CYB561A3: variants seen among roughly 807,000 people sequenced by gnomAD.
CYB561A3 encodes the protein lysosomal membrane ascorbate-dependent ferrireductase CYB561A3.
In CYB561A3, 16 loss-of-function variants were observed where a neutral mutation model predicts 25.3. The observed-to-expected ratio is 0.63, with a 90% CI of 0.43 to 0.96. The LOEUF (loss-of-function observed/expected upper bound fraction) is 0.96, where lower values mean the gene tolerates loss of function less well. Ranked by LOEUF, CYB561A3 falls within the 40% of genes least tolerant of loss-of-function variation. The pLI, the probability that CYB561A3 is intolerant of heterozygous loss-of-function variation, is 0.00. For synonymous variants in CYB561A3, 131 were observed against 129.9 expected (o/e 1.01, Z -0.06); for missense variants, 219 against 307.5 (o/e 0.71, Z 2.15).
intron 3 of CYB561A3, 105 bp downstream of exon 3, chr11:61,356,425 C>CCAAACCCCCAACCCCCCG: frequency 1.1e-6 from 1 of 887,472 alleles, no homozygotes; most frequent in Non-Finnish European, 1.6e-6. Flanking sequence ...ACCCTACCCC[C>CCAAACCCCCAACCCCCCG]ATAGCCCCAA....
chr11:61,353,700 G>A (rs1454983506), intron 4 of CYB561A3, 84 bp downstream of exon 4: 1 of 1,374,922 alleles, frequency 7.3e-7, no homozygotes, highest in Non-Finnish European at 1.0e-6. Context: ...GTGAGCAGAG[G>A]AATATTTGGT....
chr11:61,362,018 C>T (rs1198659898), upstream of CYB561A3: 1 of 152,550 alleles, frequency 6.6e-6, no homozygotes, highest in Non-Finnish European at 1.5e-5. Flanking sequence ...CCCTAACTCC[C>T]GTTCCTCCTC....
chr11:61,357,523 C>A (rs1342449968), intron 2 of CYB561A3, among the ~76,000 whole-genome samples: 1 of 152,204 alleles, frequency 6.6e-6, no homozygotes, highest in Non-Finnish European at 1.5e-5. Flanking sequence ...AGCAGTTGCT[C>A]TTAAACGCTA....
chr11:61,351,157 A>G lies in CYB561A3; in HGVS notation c.549-10T>C, dbSNP rs779104111. 76 of 1,605,848 alleles carry G rather than the reference A, an allele frequency of 4.7e-5. No homozygotes were observed. The highest frequency in any genetic ancestry group is 6.0e-5 in the Non-Finnish European group (70 of 1,176,014). ...CCTGGTGGTGTTTTTCCTGAAGATG[A>G]CAAAACAATGTGAGCCCTCGAGAGA... is the stretch of plus-strand genomic sequence containing the variant. On this transcript the variant is annotated splice_polypyrimidine_tract_variant and intron_variant, in intron 5 of 6. Transcript: ENST00000294072.
chr11:61,355,134 C>T (rs1038112934), intron 3 of CYB561A3, among the ~76,000 whole-genome samples: 40 of 152,150 alleles, frequency 2.6e-4, no homozygotes, highest in Middle Eastern at 6.8e-3. Context: ...TCCCAAAGTG[C>T]TGGGATTACA....
intron 4 of CYB561A3, chr11:61,353,533 C>T (rs1249933086): frequency 1.0e-5 from 7 of 684,382 alleles, no homozygotes; most frequent in South Asian, 3.0e-5. Context: ...CAGCATAGTG[C>T]GTGCCATGAC....
intron 3 of CYB561A3, among the ~76,000 whole-genome samples, chr11:61,354,987 G>A (rs182656255): frequency 1.3e-5 from 2 of 151,072 alleles, no homozygotes; most frequent in East Asian, 2.0e-4. Context: ...TCCTGCCTCA[G>A]CCTCCCAAGT....
At chr11:61,355,509 A>C (rs990158173) in intron 3 of CYB561A3, among the ~76,000 whole-genome samples, 1 of 151,652 alleles carries the variant, frequency 6.6e-6, no homozygotes, top group Non-Finnish European at 1.5e-5. Flanking sequence ...GTGAAACCCC[A>C]TCTCTACTAA....
Position 61,356,694 on chromosome 11 carries a change from T to C in CYB561A3, c.20A>G (p.Tyr7Cys), listed in dbSNP as rs774864809. ...GGACCCCAGCAGCAGGCAGGACAAG[T>C]AGAACCGTCCAGACACCATTCTGAT... Reference protein sequence around the residue: MVSGRFYLSCLLLGSLG... With the variant: MVSGRFCLSCLLLGSLG... The change falls in exon 3 of 7, where the codon TAC (tyrosine) becomes TGC (cysteine). Residue 7 changes from tyrosine (Y) to cysteine (C), a missense_variant. Physicochemically the swap from Tyr to Cys is radical, Grantham distance 194. Transcript: ENST00000294072. The C allele has an allele frequency of 1.2e-6, 2 of 1,614,070 alleles. No individual in the cohort carries two copies. The highest frequency in any genetic ancestry group is 1.7e-5 in the Admixed American group (1 of 60,000).
chr11:61,350,533 C>A, intron 6 of CYB561A3, 111 bp from the exon 7 acceptor site: 1 of 1,396,254 alleles, frequency 7.2e-7, no homozygotes, highest in Admixed American at 2.0e-5. Context: ...ATCCAAGCCA[C>A]CAAATCCCTC....
intron 5 of CYB561A3, chr11:61,351,928 A>G (rs1857430607): frequency 6.6e-6 from 1 of 152,104 alleles, no homozygotes; most frequent in Admixed American, 6.6e-5. Context: ...CTGGGGGGAT[A>G]AAAGGAGAGA....
chr11:61,356,959 G>A lies in CYB561A3; in HGVS notation c.-15-231C>T. 5 of 1,455,528 alleles carry A rather than the reference G, an allele frequency of 3.4e-6. No individual in the cohort carries two copies. The South Asian group carries it at 4.4e-5, about 13-fold the overall frequency. The allele number at this position is 1,455,528 out of a possible 1,614,324, so 90.2% of individuals were successfully genotyped here. On this transcript the variant is annotated intron_variant, in intron 2 of 6. Transcript: ENST00000294072. ...CCCAGCACCTGGCAGTGCCCAGACA[G>A]AGCAGCAAACTCAAGGCTATGGCTG...
Position 61,354,003 on chromosome 11 carries a change from G to C in CYB561A3, c.185-11C>G, listed in dbSNP as rs767114891. 1 of 1,613,846 alleles carries C rather than the reference G, an allele frequency of 6.2e-7. No individual in the cohort carries two copies. Among genetic ancestry groups the C allele is most frequent in the South Asian group, 1.1e-5 (1 of 91,062 alleles). On this transcript the variant is annotated splice_polypyrimidine_tract_variant and intron_variant, in intron 3 of 6. Coordinates refer to ENST00000294072, the MANE Select transcript of CYB561A3 (RefSeq NM_153611.6). ...GGTACACCAGTGACGCTGCAGGAGA[G>C]AGTAGTGCCAGGGCTCAGCCTCTCC...
intron 5 of CYB561A3, chr11:61,352,746 G>T: frequency 7.9e-7 from 1 of 1,261,196 alleles, no homozygotes. Flanking sequence ...TAAATGTAAG[G>T]TGCTTAGTAC....
intron 2 of CYB561A3, 73 bp from the exon 3 acceptor site, chr11:61,356,801 T>A: frequency 1.9e-6 from 3 of 1,558,212 alleles, no homozygotes. Context: ...GAGGTAACAC[T>A]GATTTAGCTC....
At chr11:61,350,964 C>T in intron 6 of CYB561A3, 27 bp downstream of exon 6, 5 of 1,604,034 alleles carry the variant, frequency 3.1e-6, no homozygotes, top group Non-Finnish European at 4.3e-6. Context: ...CCTGTCCCAC[C>T]CTGGAATGTG....
intron 2 of CYB561A3, 102 bp from the exon 3 acceptor site, chr11:61,356,830 T>C: frequency 6.7e-7 from 1 of 1,497,300 alleles, no homozygotes; most frequent in Non-Finnish European, 8.9e-7. Context: ...TGGGATGGAA[T>C]CTTTTTGCTT....
Position 61,353,780 on chromosome 11 carries a change from C to T in CYB561A3, c.393+4G>A, listed in dbSNP as rs756979101. On this transcript the variant is annotated splice_donor_region_variant and intron_variant, in intron 4 of 6. Coordinates refer to ENST00000294072, the MANE Select transcript of CYB561A3 (RefSeq NM_153611.6). ...CCTCGAGGAGGAGAACAGAGAGAACCCACCTGGCAGGCGAAGAGGAAGACA... is the reference window on the plus strand; with the variant it reads ...CCTCGAGGAGGAGAACAGAGAGAACTCACCTGGCAGGCGAAGAGGAAGACA... 2 of 1,614,066 alleles carry T rather than the reference C, an allele frequency of 1.2e-6. No homozygotes were observed.
At chr11:61,351,954 T>C (rs1857432717) in intron 5 of CYB561A3, 1 of 152,094 alleles carries the variant, frequency 6.6e-6, no homozygotes, top group African/African-American at 2.4e-5. Context: ...GGTCTTCCTA[T>C]GTTGCCCAGG....
Sources: gnomAD v4.1 joint callset for allele counts (sites outside exome capture counted in the v4.1 genomes callset) on GRCh38, gnomAD v4.1.1 for gene constraint, MANE v1.5 for transcripts, NCBI Gene and HGNC (gene_info 2026-07-23, HGNC 2026-07-21) for gene names.